Variants in PIK3C2G observed in about 807,000 individuals in gnomAD.
PIK3C2G encodes the protein phosphatidylinositol-4-phosphate 3-kinase catalytic subunit type 2 gamma.
PIK3C2G carries 168 observed loss-of-function variants against 181.1 expected under a neutral mutation model. The observed-to-expected ratio is 0.93, with a 90% CI of 0.82 to 1.05. PIK3C2G has a LOEUF of 1.05. PIK3C2G is among the 50% of genes least tolerant of loss of function. PIK3C2G has a pLI of 0.00. For missense variants in PIK3C2G, 1,869 were observed against 1,732.8 expected, an observed-to-expected ratio of 1.08 and a Z score of -1.40; for synonymous variants, 573 against 592.2, an observed-to-expected ratio of 0.97 and a Z score of 0.47.
intron 29 of PIK3C2G, among the ~76,000 whole-genome samples, chr12:18,567,273 C>T (rs1451598127): frequency 6.6e-6 from 1 of 151,914 alleles, no homozygotes; most frequent in Non-Finnish European, 1.5e-5. Flanking sequence ...GTGACACATG[C>T]CTGTAGTCCC....
intron 26 of PIK3C2G, among the ~76,000 whole-genome samples, chr12:18,560,211 G>A (rs540264546): frequency 3.7e-4 from 56 of 151,888 alleles, no homozygotes; most frequent in African/African-American, 1.4e-3. Context: ...ACTCCTTCCT[G>A]AAAGTTCAGG....
intron 18 of PIK3C2G, among the ~76,000 whole-genome samples, chr12:18,442,788 T>C (rs920339563): frequency 6.6e-6 from 1 of 152,170 alleles, no homozygotes; most frequent in Non-Finnish European, 1.5e-5. Context: ...AAATTATGCA[T>C]CTTTTTATGC....
chr12:18,547,925 G>A (rs1439193164), intron 26 of PIK3C2G, among the ~76,000 whole-genome samples: 3 of 151,954 alleles, frequency 2.0e-5, no homozygotes, highest in Non-Finnish European at 2.9e-5. Context: ...ATGGGGATGG[G>A]TGCCTTGCAT....
intron 14 of PIK3C2G, among the ~76,000 whole-genome samples, chr12:18,389,493 T>C (rs1309286479): frequency 7.9e-5 from 12 of 152,232 alleles, no homozygotes; most frequent in Non-Finnish European, 1.3e-4. Context: ...GTATTTATTA[T>C]TCCCTATTTT....
At chr12:18,434,181 T>C (rs1268730100) in intron 18 of PIK3C2G, among the ~76,000 whole-genome samples, 1 of 152,198 alleles carries the variant, frequency 6.6e-6, no homozygotes, top group Non-Finnish European at 1.5e-5. Flanking sequence ...TTGTTCCTCA[T>C]GTTGTAGAAT....
chr12:18,399,789 A>G lies in PIK3C2G; in HGVS notation c.2257A>G (p.Ile753Val). 3.1e-6 allele frequency: 5 copies of G among 1,606,044 alleles called. No homozygotes were observed. The highest frequency in any genetic ancestry group is 3.4e-6 in the Non-Finnish European group (4 of 1,174,160). Residue 753 changes from isoleucine (I) to valine (V), a missense_variant, in exon 16 of 33, where the codon ATT becomes GTT. Transcript: ENST00000538779. ...AAGGACTGTTTCAGAAATGCATACC[A>G]TTTTGAGAAGATGGACATTTTCTCA... ...DERTVSEMHTILRRWTFSQPL... is the reference protein window; with the variant it reads ...DERTVSEMHTVLRRWTFSQPL...
chr12:18,608,414 G>A (rs142117452), intron 30 of PIK3C2G, among the ~76,000 whole-genome samples: 5,508 of 152,134 alleles, frequency 0.036, 102 homozygotes, highest in Middle Eastern at 0.075. Flanking sequence ...GTAGGGACAT[G>A]GATGAAGCTG....
chr12:18,696,291 G>T, the PIK3C2G span: 2 of 979,792 alleles, frequency 2.0e-6, no homozygotes, highest in Non-Finnish European at 2.9e-6. Context: ...TTAAAACATT[G>T]TGAAAGAATT....
the PIK3C2G span, among the ~76,000 whole-genome samples, chr12:18,725,658 T>C: frequency 3.9e-5 from 6 of 152,264 alleles, no homozygotes; most frequent in African/African-American, 1.2e-4. Flanking sequence ...TAAAATGTCA[T>C]GGATGATTTC....
At chr12:18,461,064 G>C (rs11044129) in intron 18 of PIK3C2G, among the ~76,000 whole-genome samples, 111 of 151,996 alleles carry the variant, frequency 7.3e-4, no homozygotes, top group Non-Finnish European at 1.4e-3. Context: ...CTTCAAAACT[G>C]TATGTTTATG....
intron 24 of PIK3C2G, among the ~76,000 whole-genome samples, chr12:18,537,092 C>T (rs540179759): frequency 8.5e-5 from 13 of 152,052 alleles, no homozygotes; most frequent in African/African-American, 1.4e-4. Flanking sequence ...CACAAATTGA[C>T]GAAGTTGTAG....
intron 30 of PIK3C2G, among the ~76,000 whole-genome samples, chr12:18,604,606 G>A (rs1947913338): frequency 6.6e-6 from 1 of 152,070 alleles, no homozygotes; most frequent in African/African-American, 2.4e-5. Flanking sequence ...CCACTCAACA[G>A]TGCCTGGAAC....
chr12:18,568,384 T>TTGTGTG (rs56936466), intron 29 of PIK3C2G, among the ~76,000 whole-genome samples: 1,624 of 145,812 alleles, frequency 0.011, 29 homozygotes, highest in African/African-American at 0.038. Flanking sequence ...ACCAACAAAA[T>TTGTGTG]TGTGTGTGTG....
intron 26 of PIK3C2G, among the ~76,000 whole-genome samples, chr12:18,549,383 T>C (rs1944608898): frequency 1.3e-5 from 2 of 152,018 alleles, no homozygotes; most frequent in Admixed American, 6.6e-5. Context: ...AAGCATATAA[T>C]AATAACTACA....
At chr12:18,570,460 C>T (rs1478173362) in intron 29 of PIK3C2G, among the ~76,000 whole-genome samples, 2 of 150,198 alleles carry the variant, frequency 1.3e-5, no homozygotes, top group Non-Finnish European at 2.9e-5. Context: ...CCACCTGCCT[C>T]AGCCTCCCAA....
intron 8 of PIK3C2G, among the ~76,000 whole-genome samples, chr12:18,337,114 TG>T (rs1938607478): frequency 1.3e-5 from 2 of 152,220 alleles, no homozygotes; most frequent in African/African-American, 4.8e-5. Flanking sequence ...ACAAAACTGA[TG>T]TTTTTTGAAA....
chr12:18,676,469 C>G, the PIK3C2G span, among the ~76,000 whole-genome samples: 1 of 152,084 alleles, frequency 6.6e-6, no homozygotes, highest in African/African-American at 2.4e-5. Context: ...ATTTGCCTTG[C>G]TAGTATCCCA....
intron 1 of PIK3C2G, among the ~76,000 whole-genome samples, chr12:18,264,973 T>A (rs114871576): frequency 9.2e-5 from 14 of 152,350 alleles, no homozygotes; most frequent in African/African-American, 3.4e-4. Flanking sequence ...TTTTCCTCAA[T>A]GATTTTGAGA....
In PIK3C2G at chr12:18,505,367, A is replaced by G; in HGVS notation, c.3229A>G (p.Asn1077Asp). 1 of 1,613,420 alleles carries G rather than the reference A, an allele frequency of 6.2e-7. No homozygotes were observed. The highest frequency in any genetic ancestry group is 8.5e-7 in the Non-Finnish European group (1 of 1,179,606). ...TFILGVCDRH[N>D]DNIMLTKSGH... ...CATCCTGGGAGTATGTGACCGTCAC[A>G]ATGATAATATCATGCTGACAAAGTC... is the stretch of plus-strand genomic sequence containing the variant. Residue 1077 changes from asparagine to aspartate, a missense_variant, in exon 24 of 33, where the codon AAT (asparagine) becomes GAT (aspartate). Physicochemically the swap from Asn to Asp is conservative, Grantham distance 23. Transcript: ENST00000538779.
Sources: gnomAD v4.1 joint callset for allele counts (sites outside exome capture counted in the v4.1 genomes callset) on GRCh38, gnomAD v4.1.1 for gene constraint, MANE v1.5 for transcripts, NCBI Gene and HGNC (gene_info 2026-07-23, HGNC 2026-07-21) for gene names.